SLC2A11: variants seen among roughly 807,000 people sequenced by gnomAD.
SLC2A11 encodes the protein solute carrier family 2, facilitated glucose transporter member 11.
Under a neutral mutation model 52.1 loss-of-function variants are expected in SLC2A11, and 43 were observed. The observed-to-expected ratio is 0.82, with a 90% confidence interval of 0.65 to 1.06. The LOEUF is 1.06. SLC2A11 is among the 50% of genes least tolerant of loss of function. The pLI, the probability that SLC2A11 is intolerant of heterozygous loss-of-function variation, is 0.00. For synonymous variants in SLC2A11, 261 were observed against 277.6 expected (o/e 0.94, Z 0.59); for missense variants, 582 against 654.2 (o/e 0.89, Z 1.20).
rs2032981148 is a variant in SLC2A11 at position 23,885,850 on chromosome 22, C to G, written c.*1001C>G. 6.6e-6 allele frequency: 1 copy of G among 152,068 alleles called. No homozygotes were observed. Among genetic ancestry groups the G allele is most frequent in the South Asian group, 2.1e-4 (1 of 4,816 alleles). 9.4% of individuals were successfully genotyped at this position (152,068 alleles called of 1,614,324 possible). A position where few individuals can be genotyped will look rare whatever the true frequency, so the allele number is the denominator to read the frequency against. Reference sequence around the variant, plus strand: ...TATTGAGGTATAATTTATACATAACCAACTGCATCCATTTTAAGTATATAT... The same window carrying G: ...TATTGAGGTATAATTTATACATAACGAACTGCATCCATTTTAAGTATATAT... On this transcript the variant is annotated 3_prime_UTR_variant, in exon 12 of 12. Transcript: ENST00000316185.
At position 23,884,690 on chromosome 22, in the gene SLC2A11, C is replaced by G. The variant is rs1420830357; in HGVS notation, c.1341C>G (p.Val447=). The change falls in exon 12 of 12, where the codon GTC becomes GTG. Residue 447 remains valine (V), a synonymous_variant. Coordinates refer to ENST00000316185, the MANE Select transcript of SLC2A11 (RefSeq NM_001024939.4). This position sits in a 1 kb window ranked among gnomAD's most constrained non-coding sequence, Gnocchi z 4.3. The stretch of plus-strand genomic sequence containing the variant: ...TCCTCTATGTCCCTTTCCTTGGTGT[C>G]TGTGTCTGTGGGGCCATCTACACTG... ...SHFLYVPFLG[V]CVCGAIYTGL... The G allele has an allele frequency of 1.2e-6, 2 of 1,613,530 alleles. No individual in the cohort carries two copies. The highest frequency in any genetic ancestry group is 1.7e-5 in the Admixed American group (1 of 59,966).
At chr22:23,883,030 G>A (rs1219465325) in intron 8 of SLC2A11, 161 bp downstream of exon 8, 2 of 727,138 alleles carry the variant, frequency 2.8e-6, no homozygotes, top group East Asian at 2.7e-5. Flanking sequence ...GGAGGCCGAG[G>A]TGGGTGGATC....
At chr22:23,866,118 A>G (rs978676076) in intron 2 of SLC2A11, 1 of 151,778 alleles carries the variant, frequency 6.6e-6, no homozygotes, top group Non-Finnish European at 1.5e-5. Flanking sequence ...ACAGTGAGCT[A>G]TGATCATGCC....
In SLC2A11 at chr22:23,875,163, A is replaced by G. The variant is rs2032577401; in HGVS notation, c.337A>G (p.Ile113Val). The part of the protein sequence containing the change: ...VNNIFVVSAA[I>V]LFGFSRKAGS... Reference sequence around the variant, plus strand: ...TAACATCTTTGTGGTGTCAGCAGCAATCCTGTTTGGATTCAGCCGCAAAGC... The same window carrying G: ...TAACATCTTTGTGGTGTCAGCAGCAGTCCTGTTTGGATTCAGCCGCAAAGC... The change falls in exon 4 of 12, where the codon ATC (isoleucine) becomes GTC (valine). Residue 113 changes from isoleucine to valine, a missense_variant. By Grantham distance (29) the Ile-to-Val change is conservative. Coordinates refer to ENST00000316185, the MANE Select transcript of SLC2A11 (RefSeq NM_001024939.4). 2.5e-6 allele frequency: 4 copies of G among 1,595,060 alleles called. No homozygotes were observed. The highest frequency in any genetic ancestry group is 3.4e-6 in the Non-Finnish European group (4 of 1,170,376).
chr22:23,868,661 C>A lies in SLC2A11; in HGVS notation c.290+20C>A, dbSNP rs777286548. The stretch of plus-strand genomic sequence containing the variant: ...GGGAAGGTAAGTGCTTCCTGCATAC[C>A]CCCTGAATGCCCTTTAATGAGGAGC... On this transcript the variant is annotated intron_variant, in intron 3 of 11. Coordinates refer to ENST00000316185, the MANE Select transcript of SLC2A11 (RefSeq NM_001024939.4). 1.2e-5 allele frequency: 20 copies of A among 1,613,176 alleles called. No homozygotes were observed. The African/African-American group carries it at 2.4e-4, about 19-fold the overall frequency.
intron 3 of SLC2A11, among the ~76,000 whole-genome samples, chr22:23,873,500 G>C (rs1220553520): frequency 6.6e-6 from 1 of 152,038 alleles, no homozygotes; most frequent in Non-Finnish European, 1.5e-5. Flanking sequence ...AGTAGAGATG[G>C]GGTTTCACCA....
chr22:23,857,487 C>T (rs2031877030), upstream of SLC2A11: 1 of 1,613,586 alleles, frequency 6.2e-7, no homozygotes, highest in Admixed American at 1.7e-5. Context: ...GCGGCAGAGG[C>T]GGATGGAGGA....
chr22:23,874,839 C>T (rs919302894), intron 3 of SLC2A11, among the ~76,000 whole-genome samples: 1 of 152,126 alleles, frequency 6.6e-6, no homozygotes, highest in Admixed American at 6.6e-5. Context: ...CCCGCTTCAA[C>T]CTCCCAAAGT....
intron 3 of SLC2A11, chr22:23,871,729 A>G (rs137997114): frequency 0.01 from 1,564 of 152,208 alleles, 30 homozygotes; most frequent in African/African-American, 0.036. Flanking sequence ...GTGACAGAGC[A>G]AGACTCTGTC....
At chr22:23,862,060 G>A in intron 1 of SLC2A11, 44 bp from the exon 2 acceptor site, 1 of 1,517,614 alleles carries the variant, frequency 6.6e-7, no homozygotes, top group Non-Finnish European at 9.2e-7. Context: ...GGGAGGGGGT[G>A]GAGGCTGTTG....
Position 23,857,919 on chromosome 22 carries a change from C to G in SLC2A11, c.-81C>G, listed in dbSNP as rs540032202. 16 of 1,586,040 alleles carry G rather than the reference C, an allele frequency of 1.0e-5. No individual in the cohort carries two copies. The East Asian group carries it at 3.2e-4, about 32-fold the overall frequency. On this transcript the variant is annotated 5_prime_UTR_variant, in exon 1 of 12. Coordinates refer to ENST00000316185, the MANE Select transcript of SLC2A11 (RefSeq NM_001024939.4). ...TGCGCGCTGCCCTTCCCTCCGCGCA[C>G]AGGCTGCCGGCTCACCGCTTGCTAA...
intron 1 of SLC2A11, among the ~76,000 whole-genome samples, chr22:23,861,006 T>C (rs2032037909): frequency 1.3e-5 from 2 of 151,842 alleles, no homozygotes; most frequent in African/African-American, 2.4e-5. Flanking sequence ...CCACCACGCC[T>C]GGCTAATTTT....
Position 23,884,561 on chromosome 22 carries a change from G to A in SLC2A11, c.1300-88G>A. 6.5e-7 allele frequency: 1 copy of A among 1,538,208 alleles called. No homozygotes were observed. The highest frequency in any genetic ancestry group is 8.8e-7 in the Non-Finnish European group (1 of 1,137,954). ...GGGTCTTAGGGGAGCAAAGAGGGGG[G>A]CAAATGCCTCCTCACGACCTGTCAT... is the stretch of plus-strand genomic sequence containing the variant. On this transcript the variant is annotated intron_variant, in intron 11 of 11. Transcript: ENST00000316185. This position sits in a 1 kb window ranked among gnomAD's most constrained non-coding sequence, Gnocchi z 4.3.
chr22:23,857,851 C>A (rs1022889613), upstream of SLC2A11: 4 of 1,514,212 alleles, frequency 2.6e-6, no homozygotes, highest in Non-Finnish European at 3.5e-6. Context: ...TCCTCTCAAA[C>A]GCTCACTGCG....
upstream of SLC2A11, chr22:23,857,128 G>A (rs1555884514): frequency 9.7e-6 from 12 of 1,237,320 alleles, no homozygotes; most frequent in Non-Finnish European, 1.4e-5. Flanking sequence ...CAAGGGCTTG[G>A]CCCTCCGGAG....
intron 1 of SLC2A11, among the ~76,000 whole-genome samples, chr22:23,860,629 G>C (rs1172948545): frequency 2.0e-5 from 3 of 151,700 alleles, no homozygotes; most frequent in Non-Finnish European, 1.5e-5. Context: ...AGCTACTCGG[G>C]AGGCTGAGGC....
At chr22:23,865,910 A>C (rs1206640615) in intron 2 of SLC2A11, 1 of 152,498 alleles carries the variant, frequency 6.6e-6, no homozygotes, top group African/African-American at 2.4e-5. Flanking sequence ...CCATGCTTCT[A>C]ATCCGAACAC....
At chr22:23,869,127 A>T (rs1394278216) in intron 3 of SLC2A11, 1 of 164,202 alleles carries the variant, frequency 6.1e-6, no homozygotes, top group African/African-American at 2.4e-5. Flanking sequence ...AGCGGGGCAG[A>T]TTGCATGGGT....
rs1403335018 is a variant in SLC2A11 at position 23,877,123 on chromosome 22, C to A, written c.497C>A (p.Ala166Asp). The change falls in exon 5 of 12, where the codon GCC becomes GAC. Residue 166 changes from alanine to aspartate, a missense_variant. By Grantham distance (126) the Ala-to-Asp change is moderately radical. Transcript: ENST00000316185. ...CGAGGAGCTGTGGCCATGAGCTCAG[C>A]CATCTTTACGGCTCTGGGGATCGTG... ...ELRGAVAMSSAIFTALGIVMG... is the reference protein window; with the variant it reads ...ELRGAVAMSSDIFTALGIVMG... 1 of 1,613,750 alleles carries A rather than the reference C, an allele frequency of 6.2e-7. No individual in the cohort carries two copies. The highest frequency in any genetic ancestry group is 8.5e-7 in the Non-Finnish European group (1 of 1,179,876).
Sources: allele counts gnomAD v4.1 joint callset (sites outside exome capture counted in the v4.1 genomes callset), GRCh38; gene constraint gnomAD v4.1.1; non-coding constraint Gnocchi (gnomAD v3.1); transcripts MANE v1.5; gene names NCBI Gene and HGNC (gene_info 2026-07-23, HGNC 2026-07-21).